The following RGS6 variants were observed in gnomAD, a reference collection of about 807,000 sequenced individuals.
RGS6 encodes the protein regulator of G-protein signaling 6.
Under a neutral mutation model 78.5 loss-of-function variants are expected in RGS6, and 30 were observed. That is an observed-to-expected ratio of 0.38 (90% CI 0.29 to 0.52). The LOEUF is 0.52. RGS6 is among the 20% of genes least tolerant of loss of function. The pLI is 0.85. For missense variants in RGS6, 495 were observed against 609.7 expected (o/e 0.81, Z 1.98); for synonymous variants, 206 against 206.0 (o/e 1.00, Z 0.00).
chr14:72,490,459 AG>A (rs2096563421), intron 12 of RGS6, among the ~76,000 whole-genome samples: 1 of 152,200 alleles, frequency 6.6e-6, no homozygotes. Context: ...GCCCCAGGGA[AG>A]ATGCATACCT....
chr14:71,975,113 C>T (rs2094038527), intron 2 of RGS6, among the ~76,000 whole-genome samples: 1 of 152,186 alleles, frequency 6.6e-6, no homozygotes, highest in South Asian at 2.1e-4. Context: ...ATGATTGTGC[C>T]ACCACACTCT....
At chr14:72,286,217 C>A (rs2062520740) in intron 2 of RGS6, among the ~76,000 whole-genome samples, 1 of 152,164 alleles carries the variant, frequency 6.6e-6, no homozygotes, top group East Asian at 1.9e-4. Context: ...CAATTTCATT[C>A]TTTTGCATAT....
At chr14:72,262,753 C>T (rs1381401766) in intron 2 of RGS6, among the ~76,000 whole-genome samples, 1 of 152,208 alleles carries the variant, frequency 6.6e-6, no homozygotes, top group African/African-American at 2.4e-5. Flanking sequence ...AAACTCAACT[C>T]AAACTAGCTG....
intron 1 of RGS6, among the ~76,000 whole-genome samples, chr14:71,942,147 A>G (rs764880969): frequency 1.3e-5 from 2 of 152,206 alleles, no homozygotes; most frequent in African/African-American, 4.8e-5. Context: ...ATAATCATTC[A>G]TGGACCACAC....
intron 2 of RGS6, among the ~76,000 whole-genome samples, chr14:72,225,413 C>G (rs1023698408): frequency 6.6e-6 from 1 of 152,148 alleles, no homozygotes; most frequent in Non-Finnish European, 1.5e-5. Flanking sequence ...GACTCAACTT[C>G]CCTGGGCTCA....
intron 2 of RGS6, among the ~76,000 whole-genome samples, chr14:71,979,475 A>T (rs1237855382): frequency 6.6e-6 from 1 of 151,784 alleles, no homozygotes; most frequent in Non-Finnish European, 1.5e-5. Flanking sequence ...CTTTGTTCTC[A>T]TTGGTTTGAA....
At chr14:72,256,092 A>C (rs2057024961) in intron 2 of RGS6, among the ~76,000 whole-genome samples, 1 of 152,224 alleles carries the variant, frequency 6.6e-6, no homozygotes, top group South Asian at 2.1e-4. Context: ...TGCAGCGAGA[A>C]AGATTTAATT....
intron 2 of RGS6, among the ~76,000 whole-genome samples, chr14:72,225,835 T>C (rs2048006372): frequency 2.0e-5 from 3 of 152,238 alleles, no homozygotes; most frequent in East Asian, 1.9e-4. Context: ...CCATCTATCA[T>C]GTTCACTGGC....
intron 2 of RGS6, among the ~76,000 whole-genome samples, chr14:72,039,942 A>G (rs1027337028): frequency 6.7e-6 from 1 of 150,240 alleles, no homozygotes; most frequent in South Asian, 2.1e-4. Flanking sequence ...GTAACAATCT[A>G]TTTTAAACTG....
chr14:72,077,526 C>T (rs1375839502), intron 2 of RGS6, among the ~76,000 whole-genome samples: 4 of 152,212 alleles, frequency 2.6e-5, no homozygotes, highest in Middle Eastern at 3.4e-3. Context: ...GTTATCAACT[C>T]GTTGGAAAAT....
intron 3 of RGS6, among the ~76,000 whole-genome samples, chr14:72,452,250 C>CTCTCTG (rs1317330358): frequency 6.7e-6 from 1 of 150,216 alleles, no homozygotes; most frequent in Non-Finnish European, 1.5e-5. Flanking sequence ...CTCTCTCTCT[C>CTCTCTG]TCTCCAAGAA....
At chr14:71,933,433 TTTG>T (rs1274994776) in intron 1 of RGS6, 3 of 150,620 alleles carry the variant, frequency 2.0e-5, no homozygotes, top group Admixed American at 6.6e-5. Context: ...GGTGGGGAGG[TTTG>T]TTGTTTGGGA....
rs1395066835 is a variant in RGS6, at chr14:72,564,913, A to G, written c.*2446A>G. On this transcript the variant is annotated 3_prime_UTR_variant, in exon 18 of 18. Coordinates refer to ENST00000553525, the MANE Select transcript of RGS6 (RefSeq NM_001204424.2). The stretch of plus-strand genomic sequence containing the variant: ...AGCAATAATACTCTCACACCACCCC[A>G]CAGCTAAGGCACTCATGTTCCCCAG... The G allele has an allele frequency of 3.9e-5, 6 of 152,332 alleles. No homozygotes were observed. Among genetic ancestry groups the G allele is most frequent in the African/African-American group, 7.2e-5 (3 of 41,422 alleles). The allele number at this position is 152,332 out of a possible 1,614,324, so 9.4% of individuals were successfully genotyped here.
At chr14:71,910,337 C>T in the RGS6 span, among the ~76,000 whole-genome samples, 2 of 152,208 alleles carry the variant, frequency 1.3e-5, no homozygotes, top group African/African-American at 2.4e-5. Flanking sequence ...AATCTACAAA[C>T]GAGCCTTGCT....
intron 17 of RGS6, chr14:72,540,958 A>G: frequency 8.1e-7 from 1 of 1,238,500 alleles, no homozygotes; most frequent in South Asian, 1.4e-5. Flanking sequence ...ACTCTCTACC[A>G]TGGTTTGTAG....
At chr14:72,259,910 C>CAAAAAAAAAAA (rs11287556) in intron 2 of RGS6, among the ~76,000 whole-genome samples, 4 of 68,398 alleles carry the variant, frequency 5.8e-5, no homozygotes, top group African/African-American at 3.6e-4. Flanking sequence ...GACTCCGTCT[C>CAAAAAAAAAAA]AAAAAAAAAA....
chr14:72,405,370 C>T (rs1276032715), intron 3 of RGS6, among the ~76,000 whole-genome samples: 2 of 152,190 alleles, frequency 1.3e-5, no homozygotes, highest in Non-Finnish European at 2.9e-5. Context: ...GCAAACTGGT[C>T]ACCAAATAAT....
At chr14:72,288,280 G>C (rs1185855370) in intron 2 of RGS6, among the ~76,000 whole-genome samples, 4 of 152,180 alleles carry the variant, frequency 2.6e-5, no homozygotes, top group Admixed American at 1.3e-4. Context: ...AGAAAACTCA[G>C]TTCTTACTTT....
intron 2 of RGS6, among the ~76,000 whole-genome samples, chr14:72,154,361 T>G (rs1267189325): frequency 1.3e-5 from 2 of 152,212 alleles, no homozygotes; most frequent in Non-Finnish European, 2.9e-5. Flanking sequence ...CCTCCTCAGC[T>G]TATGAAGATA....
Sources: allele counts gnomAD v4.1 joint callset (sites outside exome capture counted in the v4.1 genomes callset), GRCh38; gene constraint gnomAD v4.1.1; transcripts MANE v1.5; gene names NCBI Gene and HGNC (gene_info 2026-07-23, HGNC 2026-07-21).